The following TENM4 variants were observed in gnomAD, a reference collection of about 807,000 sequenced individuals.
The protein encoded by TENM4 is teneurin-4.
Under a neutral mutation model 243.3 loss-of-function variants are expected in TENM4, and 82 were observed. The observed-to-expected ratio is 0.34, with a 90% confidence interval of 0.28 to 0.40. The LOEUF is 0.40. Among genes scored for constraint, TENM4 ranks in the 10% least tolerant of loss-of-function variants. The probability of loss-of-function intolerance (pLI) is 1.00; values close to 1 mark genes in which losing one functional copy is unlikely to be tolerated. For synonymous variants in TENM4, 1,412 were observed against 1,456.3 expected (o/e 0.97, Z 0.69); for missense variants, 3,138 against 3,673.3 (o/e 0.85, Z 3.77).
At chr11:78,785,950 C>T (rs1405322378) in intron 16 of TENM4, among the ~76,000 whole-genome samples, 4 of 151,010 alleles carry the variant, frequency 2.6e-5, no homozygotes, top group South Asian at 2.1e-4. Flanking sequence ...CATGTGCTCA[C>T]CATCTGATCA....
intron 6 of TENM4, among the ~76,000 whole-genome samples, chr11:78,912,595 G>A (rs1197413292): frequency 6.6e-6 from 1 of 152,124 alleles, no homozygotes; most frequent in Admixed American, 6.5e-5. Flanking sequence ...TCATAAGAGT[G>A]AACCAGAACT....
chr11:79,094,859 T>A (rs1192896668), intron 4 of TENM4, among the ~76,000 whole-genome samples: 1 of 152,148 alleles, frequency 6.6e-6, no homozygotes, highest in Non-Finnish European at 1.5e-5. Context: ...GGGGCCTGAT[T>A]TACGAGGCTG....
At chr11:78,875,252 A>G (rs1171506942) in intron 9 of TENM4, among the ~76,000 whole-genome samples, 1 of 152,104 alleles carries the variant, frequency 6.6e-6, no homozygotes, top group African/African-American at 2.4e-5. Context: ...CTTTTGAGAC[A>G]GAGTCTCACT....
intron 12 of TENM4, among the ~76,000 whole-genome samples, chr11:78,831,182 G>T (rs77962492): frequency 0.018 from 2,777 of 152,190 alleles, 89 homozygotes; most frequent in African/African-American, 0.064. Flanking sequence ...GGCAATTAAG[G>T]GATTAATTGC....
At chr11:78,749,494 G>GAT (rs1856132271) in intron 19 of TENM4, among the ~76,000 whole-genome samples, 2 of 152,088 alleles carry the variant, frequency 1.3e-5, no homozygotes, top group Admixed American at 1.3e-4. Flanking sequence ...TCCATTAGAT[G>GAT]ATCTCTGCTG....
intron 3 of TENM4, among the ~76,000 whole-genome samples, chr11:79,157,674 A>G (rs1862651544): frequency 6.6e-6 from 1 of 151,988 alleles, no homozygotes; most frequent in Non-Finnish European, 1.5e-5. Context: ...ACTGATCTCC[A>G]CACTTCTACT....
intron 3 of TENM4, among the ~76,000 whole-genome samples, chr11:79,167,393 C>T (rs138697660): frequency 0.026 from 3,994 of 152,300 alleles, 104 homozygotes; most frequent in Non-Finnish European, 0.036. Flanking sequence ...GAGCAACTAA[C>T]TCTGCACCAG....
chr11:78,757,045 G>A (rs778161528), intron 18 of TENM4, 24 bp from the exon 19 acceptor site: 61 of 1,603,772 alleles, frequency 3.8e-5, no homozygotes, highest in Non-Finnish European at 5.0e-5. Context: ...AGAGCATGTG[G>A]TTTATATTGC....
At chr11:79,381,038 C>T (rs1430936934) in intron 1 of TENM4, among the ~76,000 whole-genome samples, 1 of 152,172 alleles carries the variant, frequency 6.6e-6, no homozygotes, top group East Asian at 1.9e-4. Context: ...GCCTAGAACA[C>T]AACAGGCCTC....
intron 1 of TENM4, among the ~76,000 whole-genome samples, chr11:79,379,219 T>G (rs1467415871): frequency 6.6e-6 from 1 of 151,860 alleles, no homozygotes; most frequent in Non-Finnish European, 1.5e-5. Context: ...GAGGTCAGAG[T>G]GCCTGGAGCA....
intron 19 of TENM4, among the ~76,000 whole-genome samples, chr11:78,753,018 T>C (rs946267312): frequency 4.6e-5 from 7 of 152,342 alleles, no homozygotes; most frequent in African/African-American, 1.4e-4. Context: ...CCTAGACACA[T>C]AGACGTTAAC....
chr11:79,040,884 C>A (rs1040179152), intron 6 of TENM4, among the ~76,000 whole-genome samples: 9 of 152,184 alleles, frequency 5.9e-5, no homozygotes, highest in Non-Finnish European at 1.0e-4. Flanking sequence ...CCAAGCTTCT[C>A]CCTCCAGAGT....
chr11:78,845,497 T>C (rs1858369523), intron 12 of TENM4, among the ~76,000 whole-genome samples: 1 of 152,138 alleles, frequency 6.6e-6, no homozygotes, highest in African/African-American at 2.4e-5. Context: ...TCTGGTCAGC[T>C]CTACCCCCAA....
At chr11:79,036,865 G>T (rs532925151) in intron 6 of TENM4, among the ~76,000 whole-genome samples, 2 of 151,984 alleles carry the variant, frequency 1.3e-5, no homozygotes, top group South Asian at 2.1e-4. Flanking sequence ...CAAAAAATTA[G>T]CTGGGCATGG....
At chr11:79,075,820 G>A (rs1860523811) in intron 4 of TENM4, among the ~76,000 whole-genome samples, 1 of 152,174 alleles carries the variant, frequency 6.6e-6, no homozygotes, top group African/African-American at 2.4e-5. Context: ...TCTTCTCCAA[G>A]CAAAACCTGA....
At chr11:79,210,172 T>A (rs1014079342) in intron 3 of TENM4, among the ~76,000 whole-genome samples, 2 of 152,148 alleles carry the variant, frequency 1.3e-5, no homozygotes, top group Non-Finnish European at 2.9e-5. Flanking sequence ...TGAGAAAAAA[T>A]GCACTGTCCT....
At chr11:78,947,444 G>T (rs1857023504) in intron 6 of TENM4, among the ~76,000 whole-genome samples, 2 of 151,950 alleles carry the variant, frequency 1.3e-5, no homozygotes, top group South Asian at 4.1e-4. Flanking sequence ...GACAGGGTGT[G>T]TGGGGACCTG....
chr11:79,287,422 C>A (rs1307179327), intron 2 of TENM4, among the ~76,000 whole-genome samples: 1 of 152,164 alleles, frequency 6.6e-6, no homozygotes, highest in South Asian at 2.1e-4. Context: ...GACCCCCAGA[C>A]CCATCCAGCC....
chr11:78,718,588 C>T (rs1387747393), intron 25 of TENM4, among the ~76,000 whole-genome samples: 2 of 152,190 alleles, frequency 1.3e-5, no homozygotes, highest in Non-Finnish European at 2.9e-5. Flanking sequence ...CAGCCGCCAC[C>T]ACTAACTGAA....
Sources: gnomAD v4.1 joint callset for allele counts (sites outside exome capture counted in the v4.1 genomes callset) on GRCh38, gnomAD v4.1.1 for gene constraint, MANE v1.5 for transcripts, NCBI Gene and HGNC (gene_info 2026-07-23, HGNC 2026-07-21) for gene names.